PIK3C2G: variants seen among roughly 807,000 people sequenced by gnomAD.
PIK3C2G encodes phosphatidylinositol 3-kinase C2 domain-containing subunit gamma.
In PIK3C2G, 168 loss-of-function variants were observed where a neutral mutation model predicts 181.1. The ratio of observed to expected loss-of-function variants is 0.93; its 90% CI spans 0.82 to 1.05. The LOEUF is 1.05. Among genes scored for constraint, PIK3C2G ranks in the 50% least tolerant of loss-of-function variants. The pLI is 0.00. For missense variants in PIK3C2G, 1,869 were observed against 1,732.8 expected (o/e 1.08, Z -1.40); for synonymous variants, 573 against 592.2 (o/e 0.97, Z 0.47).
At chr12:18,639,632 T>A (rs537910800) in intron 31 of PIK3C2G, among the ~76,000 whole-genome samples, 7 of 152,304 alleles carry the variant, frequency 4.6e-5, no homozygotes, top group African/African-American at 1.4e-4. Context: ...AGGGGAGTCA[T>A]TCTTCAAATG....
intron 18 of PIK3C2G, among the ~76,000 whole-genome samples, chr12:18,425,598 G>A (rs989315900): frequency 2.0e-5 from 3 of 151,844 alleles, no homozygotes; most frequent in African/African-American, 7.3e-5. Flanking sequence ...CACCACATTG[G>A]CCAGGATTGT....
intron 29 of PIK3C2G, among the ~76,000 whole-genome samples, chr12:18,590,777 C>G (rs1271808655): frequency 6.6e-6 from 1 of 151,732 alleles, no homozygotes; most frequent in African/African-American, 2.4e-5. Flanking sequence ...TTGATTTATC[C>G]CTCTCTTGAC....
At chr12:18,350,810 C>T (rs184176074) in intron 11 of PIK3C2G, among the ~76,000 whole-genome samples, 168 of 152,088 alleles carry the variant, frequency 1.1e-3, no homozygotes, top group Non-Finnish European at 2.4e-4. Context: ...ATTCAATTCA[C>T]CAGAAAGATG....
At chr12:18,599,341 C>T (rs1034987181) in intron 30 of PIK3C2G, among the ~76,000 whole-genome samples, 1 of 152,076 alleles carries the variant, frequency 6.6e-6, no homozygotes, top group Non-Finnish European at 1.5e-5. Flanking sequence ...AGTTCATGTC[C>T]TTTGTAGGGA....
At chr12:18,574,511 ATACTAAAAAC>A in intron 29 of PIK3C2G, among the ~76,000 whole-genome samples, 1 of 152,290 alleles carries the variant, frequency 6.6e-6, no homozygotes, top group East Asian at 1.9e-4. Context: ...CTTGATTAGA[ATACTAAAAAC>A]CCCCTCCTTT....
chr12:18,708,823 G>A, the PIK3C2G span, among the ~76,000 whole-genome samples: 4 of 152,116 alleles, frequency 2.6e-5, no homozygotes, highest in East Asian at 7.7e-4. Flanking sequence ...TTGGAGAAAT[G>A]CCTATTCAGG....
rs914094719 is a variant in PIK3C2G, at chr12:18,283,422, C to T, written c.678+663C>T. ...ATCAGCAGTAAATAATATTTATTTC[C>T]GACTTAAAAAAGAAGAAACATTATT... On this transcript the variant is annotated intron_variant, in intron 2 of 32. Coordinates refer to ENST00000538779, the MANE Select transcript of PIK3C2G (RefSeq NM_001288772.2). Among the ~76,000 whole-genome samples, 14 of 151,970 alleles carry T rather than the reference C, an allele frequency of 9.2e-5. 1 individual carries two copies. Among genetic ancestry groups the T allele is most frequent in the Admixed American group, 2.0e-4 (3 of 15,236 alleles).
intron 26 of PIK3C2G, among the ~76,000 whole-genome samples, chr12:18,550,956 C>G (rs781349166): frequency 5.3e-5 from 8 of 152,042 alleles, no homozygotes; most frequent in Non-Finnish European, 1.2e-4. Flanking sequence ...AGAATGTACT[C>G]TATTTATGAA....
rs1438919888 is a variant in PIK3C2G, at chr12:18,282,598, A to G, written c.517A>G (p.Ser173Gly). The part of the protein sequence containing the change: ...ENHNYHIGFE[S>G]SIPPTNSSFS... Reference sequence around the variant, plus strand: ...TCATAACTACCATATAGGATTTGAAAGTAGCATTCCTCCAACAAATTCATC... The same window carrying G: ...TCATAACTACCATATAGGATTTGAAGGTAGCATTCCTCCAACAAATTCATC... Residue 173 changes from serine to glycine, a missense_variant, in exon 2 of 33, where the codon AGT (serine) becomes GGT (glycine). Coordinates refer to ENST00000538779, the MANE Select transcript of PIK3C2G (RefSeq NM_001288772.2). 6.2e-7 allele frequency: 1 copy of G among 1,613,208 alleles called. No individual in the cohort carries two copies. Among genetic ancestry groups the G allele is most frequent in the Admixed American group, 1.7e-5 (1 of 59,992 alleles).
At chr12:18,596,892 G>A (rs1947396868) in intron 30 of PIK3C2G, among the ~76,000 whole-genome samples, 1 of 152,096 alleles carries the variant, frequency 6.6e-6, no homozygotes, top group African/African-American at 2.4e-5. Context: ...GCCAAGCAGT[G>A]TAAGAATAGA....
At chr12:18,432,634 G>A (rs1387656075) in intron 18 of PIK3C2G, among the ~76,000 whole-genome samples, 1 of 152,120 alleles carries the variant, frequency 6.6e-6, no homozygotes, top group Non-Finnish European at 1.5e-5. Context: ...TGGCAAAAAG[G>A]CATTCTGTTT....
chr12:18,660,037 CA>C, the PIK3C2G span, among the ~76,000 whole-genome samples: 1 of 151,982 alleles, frequency 6.6e-6, no homozygotes, highest in African/African-American at 2.4e-5. Flanking sequence ...TATGAAGCAC[CA>C]AAAATTTATC....
At chr12:18,454,353 G>T (rs567604675) in intron 18 of PIK3C2G, among the ~76,000 whole-genome samples, 1 of 152,270 alleles carries the variant, frequency 6.6e-6, no homozygotes, top group African/African-American at 2.4e-5. Flanking sequence ...GGAACTATTT[G>T]AAAAGCACTG....
At chr12:18,627,976 T>C (rs1237877999) in intron 31 of PIK3C2G, among the ~76,000 whole-genome samples, 3 of 152,222 alleles carry the variant, frequency 2.0e-5, no homozygotes, top group African/African-American at 7.2e-5. Context: ...CTTAGATTAA[T>C]CTACAGAAGT....
chr12:18,565,159 T>G (rs1192680729), intron 28 of PIK3C2G, among the ~76,000 whole-genome samples: 2 of 152,150 alleles, frequency 1.3e-5, no homozygotes, highest in Non-Finnish European at 2.9e-5. Context: ...AAATGAAAGA[T>G]GAAGATTCCC....
chr12:18,303,144 T>TTTCTTTCTTTCTTTC (rs1491046164), intron 5 of PIK3C2G, among the ~76,000 whole-genome samples: 9 of 110,554 alleles, frequency 8.1e-5, no homozygotes, highest in African/African-American at 3.2e-4. Context: ...CTTTCTTTTC[T>TTTCTTTCTTTCTTTC]TTTCTTTCTT....
the PIK3C2G span, chr12:18,684,296 G>A: frequency 6.2e-5 from 98 of 1,588,416 alleles, 2 homozygotes; most frequent in South Asian, 1.1e-3. Context: ...TATAAAAAAA[G>A]AAGATACAAA....
chr12:18,657,959 A>T, the PIK3C2G span, among the ~76,000 whole-genome samples: 7,734 of 152,206 alleles, frequency 0.051, 238 homozygotes, highest in African/African-American at 0.091. Flanking sequence ...GAACCACTAG[A>T]ATAATATCAC....
intron 24 of PIK3C2G, among the ~76,000 whole-genome samples, chr12:18,522,037 C>T (rs1251407824): frequency 2.6e-5 from 4 of 152,218 alleles, no homozygotes; most frequent in Admixed American, 6.5e-5. Context: ...CTGCACCATA[C>T]TGCTCTTCCT....
Sources: allele counts gnomAD v4.1 joint callset (sites outside exome capture counted in the v4.1 genomes callset), GRCh38; gene constraint gnomAD v4.1.1; transcripts MANE v1.5; gene names NCBI Gene and HGNC (gene_info 2026-07-23, HGNC 2026-07-21).